Variants in MEF2C observed in about 807,000 individuals in gnomAD.
MEF2C encodes the protein myocyte enhancer factor 2C, also known as myocyte-specific enhancer factor 2C.
MEF2C carries 6 observed loss-of-function variants against 50.5 expected under a neutral mutation model. That is an observed-to-expected ratio of 0.12 (90% confidence interval 0.07 to 0.23). MEF2C has a LOEUF of 0.23. Among genes scored for constraint, MEF2C ranks in the 10% least tolerant of loss-of-function variants. MEF2C has a pLI of 1.00. For missense variants in MEF2C, 276 were observed against 605.0 expected, an observed-to-expected ratio of 0.46 and a Z score of 5.70; for synonymous variants, 183 against 228.0, an observed-to-expected ratio of 0.80 and a Z score of 1.78.
At chr5:88,813,110 G>C (rs1428077586) in intron 2 of MEF2C, among the ~76,000 whole-genome samples, 2 of 152,122 alleles carry the variant, frequency 1.3e-5, no homozygotes, top group African/African-American at 2.4e-5. Context: ...CTTTTGTATA[G>C]ACTCTGCAGC....
At chr5:88,727,130 G>C (rs1023077176) in intron 10 of MEF2C, among the ~76,000 whole-genome samples, 6 of 152,028 alleles carry the variant, frequency 3.9e-5, no homozygotes, top group African/African-American at 1.4e-4. Flanking sequence ...TTATGTGCTT[G>C]GTGATAATTA....
intron 9 of MEF2C, 36 bp downstream of exon 9, chr5:88,729,182 T>C: frequency 1.2e-6 from 2 of 1,610,894 alleles, no homozygotes; most frequent in South Asian, 1.1e-5. Flanking sequence ...ATAAAAAGTA[T>C]TTAGTGTACT....
intron 1 of MEF2C, among the ~76,000 whole-genome samples, chr5:88,864,801 C>T (rs1826743500): frequency 6.7e-6 from 1 of 148,492 alleles, no homozygotes; most frequent in Non-Finnish European, 1.5e-5. Context: ...GAGTTTCGCT[C>T]TGTCGCCTAG....
At chr5:88,837,109 A>C (rs1330039097) in intron 1 of MEF2C, among the ~76,000 whole-genome samples, 2 of 152,002 alleles carry the variant, frequency 1.3e-5, no homozygotes, top group Non-Finnish European at 2.9e-5. Context: ...TGAATGTCAT[A>C]ATCTGGACTA....
chr5:88,782,164 T>C, intron 3 of MEF2C: 2 of 981,650 alleles, frequency 2.0e-6, no homozygotes, highest in Non-Finnish European at 2.4e-6. Context: ...AAGAAGCTTA[T>C]ATAGTTTAAA....
At chr5:88,740,667 G>A (rs548605093) in intron 6 of MEF2C, 1 of 975,716 alleles carries the variant, frequency 1.0e-6, no homozygotes, top group Non-Finnish European at 1.2e-6. Flanking sequence ...ACAATCTGAT[G>A]TCTCCAGTAC....
At chr5:88,865,318 A>G (rs1826936696) in intron 1 of MEF2C, among the ~76,000 whole-genome samples, 1 of 152,190 alleles carries the variant, frequency 6.6e-6, no homozygotes, top group Non-Finnish European at 1.5e-5. Context: ...GCATATACCA[A>G]AGATCAGTTA....
At chr5:88,875,857 C>T (rs1459709003) in intron 1 of MEF2C, among the ~76,000 whole-genome samples, 1 of 151,874 alleles carries the variant, frequency 6.6e-6, no homozygotes, top group Non-Finnish European at 1.5e-5. Flanking sequence ...GCACTGTGCA[C>T]AGTATCTGGT....
chr5:88,722,947 A>C, intron 10 of MEF2C, 22 bp from the exon 11 acceptor site: 1 of 1,553,552 alleles, frequency 6.4e-7, no homozygotes, highest in Middle Eastern at 1.7e-4. Context: ...AAGGAAACCC[A>C]GTTACAGATG....
chr5:88,846,668 T>TA (rs1819476493), intron 1 of MEF2C, among the ~76,000 whole-genome samples: 1 of 152,178 alleles, frequency 6.6e-6, no homozygotes, highest in Non-Finnish European at 1.5e-5. Context: ...TTAATGGCCA[T>TA]ATTCAGTATG....
At chr5:88,854,831 G>A (rs191455669) in intron 1 of MEF2C, among the ~76,000 whole-genome samples, 2 of 152,136 alleles carry the variant, frequency 1.3e-5, no homozygotes, top group African/African-American at 4.8e-5. Flanking sequence ...GTTTACTGAA[G>A]TCACAAAAGT....
intron 1 of MEF2C, among the ~76,000 whole-genome samples, chr5:88,858,042 G>C (rs931995443): frequency 2.6e-5 from 4 of 152,172 alleles, no homozygotes; most frequent in Admixed American, 6.5e-5. Context: ...ATTGTTTTTA[G>C]ACTCATAAGA....
chr5:88,891,015 C>A (rs537185718), intron 1 of MEF2C, among the ~76,000 whole-genome samples: 3 of 152,212 alleles, frequency 2.0e-5, no homozygotes, highest in East Asian at 3.9e-4. Flanking sequence ...GCAAGAGTAC[C>A]CTTTTACAAG....
intron 1 of MEF2C, chr5:88,844,769 A>G (rs1160038421): frequency 3.1e-5 from 5 of 162,658 alleles, no homozygotes; most frequent in Non-Finnish European, 5.2e-5. Flanking sequence ...CTTACAACTT[A>G]TAACTAGGGA....
intron 1 of MEF2C, among the ~76,000 whole-genome samples, chr5:88,860,130 C>T (rs910202738): frequency 6.6e-6 from 1 of 152,032 alleles, no homozygotes; most frequent in African/African-American, 2.4e-5. Flanking sequence ...TAGGAAAGGA[C>T]AACAGTTTCT....
intron 3 of MEF2C, among the ~76,000 whole-genome samples, chr5:88,803,437 A>T (rs1218859390): frequency 6.6e-6 from 1 of 152,234 alleles, no homozygotes; most frequent in Non-Finnish European, 1.5e-5. Context: ...TATTCATTTG[A>T]TCAGGATTAG....
At chr5:88,737,294 A>ATG (rs1764524330) in intron 6 of MEF2C, 1 of 985,306 alleles carries the variant, frequency 1.0e-6, no homozygotes, top group Non-Finnish European at 1.2e-6. Flanking sequence ...TACCATATAT[A>ATG]TGAAAGCCAG....
chr5:88,725,567 T>C (rs1758327422), intron 10 of MEF2C, among the ~76,000 whole-genome samples: 1 of 151,954 alleles, frequency 6.6e-6, no homozygotes, highest in Non-Finnish European at 1.5e-5. Context: ...GGGTGGGTGA[T>C]AAAGAGGTGG....
chr5:88,828,466 TC>T (rs1204713174), intron 1 of MEF2C, among the ~76,000 whole-genome samples: 2 of 151,984 alleles, frequency 1.3e-5, no homozygotes, highest in African/African-American at 4.8e-5. Context: ...AACACTAGTA[TC>T]CTCAAATAAT....
Sources: allele counts gnomAD v4.1 joint callset (sites outside exome capture counted in the v4.1 genomes callset), GRCh38; gene constraint gnomAD v4.1.1; transcripts MANE v1.5; gene names NCBI Gene and HGNC (gene_info 2026-07-23, HGNC 2026-07-21).